Variants in CRACDL observed in about 807,000 individuals in gnomAD.
The protein encoded by CRACDL is CRACD-like protein.
CRACDL carries 26 observed loss-of-function variants against 70.6 expected under a neutral mutation model. The observed-to-expected ratio is 0.37, with a 90% CI of 0.27 to 0.51. CRACDL has a LOEUF of 0.51. Among genes scored for constraint, CRACDL ranks in the 20% least tolerant of loss-of-function variants. The pLI, the probability that CRACDL is intolerant of heterozygous loss-of-function variation, is 0.94. For missense variants in CRACDL, 1,283 were observed against 1,376.9 expected (o/e 0.93, Z 1.08); for synonymous variants, 618 against 615.2 (o/e 1.00, Z -0.07).
chr2:98,831,425 C>T lies in CRACDL; in HGVS notation c.540+923G>A, dbSNP rs373567974. Among the ~76,000 whole-genome samples the T allele has an allele frequency of 9.8e-5, 15 of 152,286 alleles. No individual in the cohort carries two copies. The South Asian group carries it at 2.7e-3, about 27-fold the overall frequency. On this transcript the variant is annotated intron_variant, in intron 5 of 9. Transcript: ENST00000397899. ...GCACAGAATCTGCAAGGCAGTGAGT[C>T]GCAACGAAGCTCCCCCTTCACTGTG...
At chr2:98,860,981 G>C (rs1374641193) in intron 1 of CRACDL, among the ~76,000 whole-genome samples, 3 of 152,176 alleles carry the variant, frequency 2.0e-5, no homozygotes, top group Admixed American at 2.0e-4. Context: ...CTTACACAAA[G>C]AAGGCATAAA....
rs759238663 is a variant in CRACDL, at chr2:98,822,016, G to A, written c.2257C>T (p.Pro753Ser). 7.8e-6 allele frequency: 12 copies of A among 1,539,032 alleles called. No homozygotes were observed. Among genetic ancestry groups the A allele is most frequent in the Middle Eastern group, 1.7e-4 (1 of 5,942 alleles). The change falls in exon 7 of 10, where the codon CCC becomes TCC. Residue 753 changes from proline (P) to serine (S), a missense_variant. Coordinates refer to ENST00000397899, the MANE Select transcript of CRACDL (RefSeq NM_207362.3). This position sits in a 1 kb window ranked among gnomAD's most constrained non-coding sequence, Gnocchi z 4.9. ...SDQGKGKARPPEPLSSKPPLP... is the reference protein window; with the variant it reads ...SDQGKGKARPSEPLSSKPPLP... ...GGCGGCTTGGAGCTGAGCGGCTCGG[G>A]GGGCCGGGCCTTCCCCTTTCCTTGG...
chr2:98,901,776 C>T (rs1013461363), intron 1 of CRACDL, among the ~76,000 whole-genome samples: 1 of 152,156 alleles, frequency 6.6e-6, no homozygotes, highest in East Asian at 1.9e-4. Context: ...GTGCATCAAG[C>T]GACCTGATGC....
At chr2:98,814,345 ATGTTG>A (rs1444909870) in intron 7 of CRACDL, among the ~76,000 whole-genome samples, 6 of 152,054 alleles carry the variant, frequency 3.9e-5, no homozygotes, top group Admixed American at 6.6e-5. Context: ...AAATTTTGAT[ATGTTG>A]TATTTTCATT....
intron 1 of CRACDL, among the ~76,000 whole-genome samples, chr2:98,927,489 T>C (rs1442614328): frequency 6.8e-6 from 1 of 146,236 alleles, no homozygotes; most frequent in East Asian, 2.0e-4. Flanking sequence ...TGGTAAAGAC[T>C]CATCTCTTGG....
chr2:98,808,026 G>A (rs901003777), intron 7 of CRACDL, among the ~76,000 whole-genome samples: 6 of 152,216 alleles, frequency 3.9e-5, no homozygotes, highest in African/African-American at 1.2e-4. Flanking sequence ...TGGCTCCTGA[G>A]CTCTTGAAAT....
rs1309106010 is a variant in CRACDL at position 98,822,426 on chromosome 2, A to AG, written c.1846dup (p.Leu616ProfsTer62). ...GTGCTGGGGCTCGGGGAGACCCTGG[A>AG]GGTCGTCAAGAGCCGCCTCGCTCCT... On this transcript the variant is annotated frameshift_variant, in exon 7 of 10. Coordinates refer to ENST00000397899, the MANE Select transcript of CRACDL (RefSeq NM_207362.3). LOFTEE classifies it high-confidence loss of function. The surrounding 1 kb of genome is among the most constrained non-coding windows in gnomAD (Gnocchi z 4.9). 6.7e-7 allele frequency: 1 copy of AG among 1,483,662 alleles called. No homozygotes were observed. The highest frequency in any genetic ancestry group is 8.9e-7 in the Non-Finnish European group (1 of 1,125,542). 91.9% of individuals were successfully genotyped at this position (1,483,662 alleles called of 1,614,324 possible). A position where few individuals can be genotyped will look rare whatever the true frequency, so the allele number is the denominator to read the frequency against.
intron 1 of CRACDL, among the ~76,000 whole-genome samples, chr2:98,878,726 G>A (rs962366598): frequency 3.3e-5 from 5 of 152,166 alleles, no homozygotes; most frequent in African/African-American, 9.7e-5. Flanking sequence ...GGTTATGTCC[G>A]GATAAACCCA....
At chr2:98,825,711 C>T (rs193080416) in intron 6 of CRACDL, among the ~76,000 whole-genome samples, 15 of 152,352 alleles carry the variant, frequency 9.8e-5, no homozygotes, top group East Asian at 7.7e-4. Flanking sequence ...ACTGTGCATG[C>T]ACTGGACACA....
chr2:98,924,880 A>T (rs1157480603), intron 1 of CRACDL, among the ~76,000 whole-genome samples: 2 of 152,234 alleles, frequency 1.3e-5, no homozygotes, highest in Non-Finnish European at 2.9e-5. Flanking sequence ...ATCAGTTACA[A>T]CATATCTGCC....
chr2:98,805,156 G>T (rs1704234246), intron 7 of CRACDL, among the ~76,000 whole-genome samples: 1 of 152,146 alleles, frequency 6.6e-6, no homozygotes, highest in Admixed American at 6.5e-5. Flanking sequence ...GACACGGCAG[G>T]GCCTCTGGGG....
At chr2:98,907,083 G>T (rs774411314) in intron 1 of CRACDL, among the ~76,000 whole-genome samples, 2 of 152,072 alleles carry the variant, frequency 1.3e-5, no homozygotes, top group Non-Finnish European at 2.9e-5. Flanking sequence ...CCTGAGGTCA[G>T]GAGTTCAAGA....
At chr2:98,907,537 A>G (rs1167200456) in intron 1 of CRACDL, among the ~76,000 whole-genome samples, 1 of 151,942 alleles carries the variant, frequency 6.6e-6, no homozygotes, top group Non-Finnish European at 1.5e-5. Context: ...CTCCACTACC[A>G]TCCCCGCAAG....
chr2:98,809,485 A>T (rs1204290951), intron 7 of CRACDL, among the ~76,000 whole-genome samples: 2 of 152,158 alleles, frequency 1.3e-5, no homozygotes, highest in Non-Finnish European at 2.9e-5. Context: ...ACTGCAGGGC[A>T]CATCTGTTCA....
Position 98,823,258 on chromosome 2 carries a change from G to A in CRACDL, c.1015C>T (p.Pro339Ser). Residue 339 changes from proline (P) to serine (S), a missense_variant, in exon 7 of 10, where the codon CCG becomes TCG. Pro to Ser is a moderately conservative substitution (Grantham distance 74). Around this residue, in one of 2 missense-constraint regions of CRACDL, gnomAD observed 362 missense variants for 495.0 expected, o/e 0.73. Transcript: ENST00000397899. The surrounding 1 kb of genome is among the most constrained non-coding windows in gnomAD (Gnocchi z 4.0). ...GEDPSSRPAT[P>S]ELAEPESAPT... The stretch of plus-strand genomic sequence containing the variant: ...GCCGACTCGGGCTCGGCGAGCTCCG[G>A]GGTGGCCGGGCGGCTTGAGGGGTCC... The A allele has an allele frequency of 2.1e-6, 3 of 1,406,490 alleles. No homozygotes were observed. 87.1% of individuals were successfully genotyped at this position (1,406,490 alleles called of 1,614,324 possible).
At chr2:98,926,111 A>C (rs1327566457) in intron 1 of CRACDL, among the ~76,000 whole-genome samples, 1 of 152,238 alleles carries the variant, frequency 6.6e-6, no homozygotes, top group Non-Finnish European at 1.5e-5. Context: ...CATAATGCAC[A>C]ATCAACACTT....
chr2:98,871,664 G>T (rs1354195521), intron 1 of CRACDL, among the ~76,000 whole-genome samples: 1 of 152,196 alleles, frequency 6.6e-6, no homozygotes. Flanking sequence ...TGGGGAATTT[G>T]TCCTAAGGAG....
chr2:98,795,077 A>ATATATATATATATTTTTTTTT, intron 9 of CRACDL, among the ~76,000 whole-genome samples: 26 of 58,436 alleles, frequency 4.4e-4, no homozygotes, highest in Admixed American at 6.5e-4. Flanking sequence ...ATATATATAT[A>ATATATATATATATTTTTTTTT]TTTTTTTTTT....
chr2:98,902,416 A>C (rs1405157744), intron 1 of CRACDL, among the ~76,000 whole-genome samples: 1 of 152,158 alleles, frequency 6.6e-6, no homozygotes, highest in Non-Finnish European at 1.5e-5. Context: ...CTTTCCCTTG[A>C]GGACTCCAGC....
Sources: gnomAD v4.1 joint callset for allele counts (sites outside exome capture counted in the v4.1 genomes callset) on GRCh38, gnomAD v4.1.1 for gene constraint, gnomAD v4.1.1 regional missense constraint, Gnocchi (gnomAD v3.1) non-coding constraint, MANE v1.5 for transcripts, NCBI Gene and HGNC (gene_info 2026-07-23, HGNC 2026-07-21) for gene names.